The following SPATA31C2 variants were observed in gnomAD, a reference collection of about 807,000 sequenced individuals.
SPATA31C2 encodes the protein spermatogenesis-associated protein 31C2.
In SPATA31C2, 5 loss-of-function variants were observed where a neutral mutation model predicts 11.4. The ratio of observed to expected loss-of-function variants is 0.44; its 90% CI spans 0.23 to 0.92. SPATA31C2 has a LOEUF of 0.92. Among genes scored for constraint, SPATA31C2 ranks in the 40% least tolerant of loss-of-function variants. SPATA31C2 has a pLI of 0.24. For missense variants in SPATA31C2, 1,353 were observed against 1,368.6 expected, an observed-to-expected ratio of 0.99 and a Z score of 0.18; for synonymous variants, 515 against 538.7, an observed-to-expected ratio of 0.96 and a Z score of 0.61.
Position 88,131,050 on chromosome 9 carries a change from G to A in SPATA31C2, c.1987C>T (p.Leu663Phe), listed in dbSNP as rs766116336. Residue 663 changes from leucine (L) to phenylalanine (F), a missense_variant, in exon 4 of 4, where the codon CTC becomes TTC. Physicochemically the swap from Leu to Phe is conservative, Grantham distance 22. Around this residue, in one of 6 missense-constraint regions of SPATA31C2, gnomAD observed 1,075 missense variants for 992.8 expected, o/e 1.08. Coordinates refer to ENST00000324915, the MANE Select transcript of SPATA31C2 (RefSeq NM_001350978.3). Reference protein sequence around the residue: ...FWAKHRWGLPLRVLKPIQCFQ... With the variant: ...FWAKHRWGLPFRVLKPIQCFQ... The stretch of plus-strand genomic sequence containing the variant: ...CACTGAATGGGCTTGAGGACCCTGA[G>A]GGGTAGACCCCACCTGTGTTTGGCC... The A allele has an allele frequency of 2.9e-5, 46 of 1,611,926 alleles. No individual in the cohort carries two copies. Among genetic ancestry groups the A allele is most frequent in the Non-Finnish European group, 3.7e-5 (44 of 1,179,874 alleles).
Position 88,129,947 on chromosome 9 carries a change from T to C in SPATA31C2, c.3090A>G (p.Pro1030=), listed in dbSNP as rs764599456. 2.5e-6 allele frequency: 4 copies of C among 1,607,914 alleles called. No homozygotes were observed. The Admixed American group carries it at 6.7e-5, about 27-fold the overall frequency. ...CTGTTTTTTGGCTCTCAGCAGTGAC[T>C]GGTGCTGGCTTCCTTTCTTTCTTTG... ...IFSKKERKPA[P]VTAESQKTVK... The change falls in exon 4 of 4, where the codon CCA becomes CCG. Residue 1030 remains proline, a synonymous_variant. Coordinates refer to ENST00000324915, the MANE Select transcript of SPATA31C2 (RefSeq NM_001350978.3).
At chr9:88,134,792 G>A (rs767330385) in intron 1 of SPATA31C2, 2 of 1,590,878 alleles carry the variant, frequency 1.3e-6, no homozygotes, top group South Asian at 2.2e-5. Flanking sequence ...GCGATGGTGA[G>A]GGTGGGTTGT....
rs750700794 is a variant in SPATA31C2 at position 88,131,095 on chromosome 9, C to T, written c.1942G>A (p.Ala648Thr). The T allele has an allele frequency of 8.7e-6, 14 of 1,611,920 alleles. No individual in the cohort carries two copies. Among genetic ancestry groups the T allele is most frequent in the Admixed American group, 1.7e-5 (1 of 59,996 alleles). Residue 648 changes from alanine (A) to threonine (T), a missense_variant, in exon 4 of 4, where the codon GCC becomes ACC. This residue lies in a region of SPATA31C2 where 1,075 missense variants were observed against 992.8 expected (regional missense o/e 1.08). Coordinates refer to ENST00000324915, the MANE Select transcript of SPATA31C2 (RefSeq NM_001350978.3). ...LEPCTQQVLG[A>T]HIVRFWAKHR... ...TTGGCCCAAAACCTCACAATATGGG[C>T]TCCCAGCACCTGCTGAGTACACGGC...
In SPATA31C2 at chr9:88,131,200, G is replaced by A; in HGVS notation, c.1837C>T (p.His613Tyr). ...VNQAFPVSNT[H>Y]VKTSNLAAPK... ...GCTGCTAGATTGCTGGTTTTCACGTGGGTGTTGGAGACGGGAAAAGCCTGG... is the reference window on the plus strand; with the variant it reads ...GCTGCTAGATTGCTGGTTTTCACGTAGGTGTTGGAGACGGGAAAAGCCTGG... The change falls in exon 4 of 4, where the codon CAC becomes TAC. Residue 613 changes from histidine to tyrosine, a missense_variant. This residue lies in a region of SPATA31C2 where 1,075 missense variants were observed against 992.8 expected (regional missense o/e 1.08). Transcript: ENST00000324915. 1.2e-6 allele frequency: 2 copies of A among 1,611,828 alleles called. No homozygotes were observed. Among genetic ancestry groups the A allele is most frequent in the Non-Finnish European group, 1.7e-6 (2 of 1,179,874 alleles).
At chr9:88,133,854 A>AG (rs1232832123) in intron 1 of SPATA31C2, among the ~76,000 whole-genome samples, 185 bp from the exon 2 acceptor site, 3 of 152,176 alleles carry the variant, frequency 2.0e-5, no homozygotes, top group African/African-American at 4.8e-5. Context: ...AAAAACAGGA[A>AG]GAGGGGGTCG....
Position 88,136,596 on chromosome 9 carries a change from C to T in SPATA31C2, c.189+1662G>A, listed in dbSNP as rs1298420174. On this transcript the variant is annotated intron_variant, in intron 1 of 3. Transcript: ENST00000324915. ...TAGAATTGATTGTGCTTTTCTGGTT[C>T]ATGTCTAATAATTATTCATCAAGTC... Among the ~76,000 whole-genome samples the T allele has an allele frequency of 1.4e-5, 2 of 145,466 alleles. 1 individual carries two copies. Among genetic ancestry groups the T allele is most frequent in the Non-Finnish European group, 3.0e-5 (2 of 66,162 alleles).
chr9:88,130,378 CA>C lies in SPATA31C2; in HGVS notation c.2658del (p.Val887LeufsTer78). On this transcript the variant is annotated frameshift_variant, in exon 4 of 4. Coordinates refer to ENST00000324915, the MANE Select transcript of SPATA31C2 (RefSeq NM_001350978.3). LOFTEE classifies it low-confidence loss of function (END_TRUNC). ...TVVLLPDGQA[S>X]VVPHASENLA... ...AAATTCTCTGAAGCATGGGGCACAACAGATGCTTGCCCATCTGGAAGGAGCA... is the reference window on the plus strand; with the variant it reads ...AAATTCTCTGAAGCATGGGGCACAACGATGCTTGCCCATCTGGAAGGAGCA... The C allele has an allele frequency of 4.3e-6, 7 of 1,611,090 alleles. No homozygotes were observed. The highest frequency in any genetic ancestry group is 1.3e-5 in the African/African-American group (1 of 74,950).
chr9:88,136,649 T>C, intron 1 of SPATA31C2, among the ~76,000 whole-genome samples: 1 of 147,070 alleles, frequency 6.8e-6, no homozygotes, highest in Non-Finnish European at 1.5e-5. Context: ...TCTCATTAAA[T>C]TTCATATTTT....
intron 2 of SPATA31C2, among the ~76,000 whole-genome samples, chr9:88,133,368 G>A (rs1176345296): frequency 1.3e-5 from 1 of 74,910 alleles, no homozygotes; most frequent in Admixed American, 1.4e-4. Context: ...ATCCAGGCAG[G>A]CATTGGTCTC....
At position 88,130,387 on chromosome 9, in the gene SPATA31C2, G is replaced by T. The variant is rs763696528; in HGVS notation, c.2650C>A (p.Gln884Lys). Residue 884 changes from glutamine to lysine, a missense_variant, in exon 4 of 4, where the codon CAA becomes AAA. Gln to Lys is a moderately conservative substitution (Grantham distance 53, BLOSUM62 1). Coordinates refer to ENST00000324915, the MANE Select transcript of SPATA31C2 (RefSeq NM_001350978.3). ...GAAGCATGGGGCACAACAGATGCTT[G>T]CCCATCTGGAAGGAGCACAACAGTG... The part of the protein sequence containing the change: ...SATVVLLPDG[Q>K]ASVVPHASEN... The T allele has an allele frequency of 6.2e-7, 1 of 1,611,380 alleles. No individual in the cohort carries two copies. The highest frequency in any genetic ancestry group is 1.1e-5 in the South Asian group (1 of 90,968).
chr9:88,134,447 G>T (rs1190829953), intron 1 of SPATA31C2, among the ~76,000 whole-genome samples: 1 of 150,956 alleles, frequency 6.6e-6, no homozygotes, highest in Admixed American at 6.7e-5. Flanking sequence ...CCTGGCCTCG[G>T]ACAGAGACCT....
chr9:88,133,747 C>A (rs991446340), intron 1 of SPATA31C2, 78 bp from the exon 2 acceptor site: 370 of 1,580,478 alleles, frequency 2.3e-4, no homozygotes, highest in Non-Finnish European at 4.7e-5. Flanking sequence ...ACGCTGCACT[C>A]ATGAACCGCA....
rs1214316860 is a variant in SPATA31C2, at chr9:88,132,359, A to G, written c.678T>C (p.Pro226=). Residue 226 remains proline, a synonymous_variant, in exon 4 of 4, where the codon CCT becomes CCC. Transcript: ENST00000324915. ...TPDPLACSPP[P]PKGFTPPPLR... ...GGGGAGGAGGAGTGAAGCCTTTCGG[A>G]GGAGGCGGAGAGCAGGCCAGAGGAT... 1 of 1,610,980 alleles carries G rather than the reference A, an allele frequency of 6.2e-7. No homozygotes were observed. The highest frequency in any genetic ancestry group is 1.1e-5 in the South Asian group (1 of 91,014).
chr9:88,134,104 G>A (rs549524633), intron 1 of SPATA31C2, among the ~76,000 whole-genome samples: 5 of 149,110 alleles, frequency 3.4e-5, no homozygotes, highest in South Asian at 4.4e-4. Flanking sequence ...GCACTGAGCC[G>A]GTATCGCTCC....
rs61693744 is a variant in SPATA31C2, at chr9:88,137,326, TA to T, written c.189+931del. On this transcript the variant is annotated intron_variant, in intron 1 of 3. Coordinates refer to ENST00000324915, the MANE Select transcript of SPATA31C2 (RefSeq NM_001350978.3). ...CCTCAATCTAACCTCATGTCTTTAT[TA>T]AAAAAAAAAAGGATCAGCCGGGCGC... is the stretch of plus-strand genomic sequence containing the variant. Among the ~76,000 whole-genome samples, 297 of 142,166 alleles carry T rather than the reference TA, an allele frequency of 2.1e-3. 4 individuals are homozygous for T. Among genetic ancestry groups the T allele is most frequent in the Non-Finnish European group, 3.4e-3 (224 of 65,196 alleles). 93.3% of individuals were successfully genotyped at this position (142,166 alleles called of 152,430 possible).
chr9:88,137,287 A>G (rs537213417), intron 1 of SPATA31C2, among the ~76,000 whole-genome samples: 1 of 148,500 alleles, frequency 6.7e-6, no homozygotes, highest in African/African-American at 2.5e-5. Flanking sequence ...TAGATACCAT[A>G]GACAAAACAA....
At position 88,132,090 on chromosome 9, in the gene SPATA31C2, AT is replaced by A. The variant is rs1825607504; in HGVS notation, c.946del (p.Met316CysfsTer57). The A allele has an allele frequency of 6.2e-7, 1 of 1,610,616 alleles. No homozygotes were observed. The highest frequency in any genetic ancestry group is 8.5e-7 in the Non-Finnish European group (1 of 1,177,658). On this transcript the variant is annotated frameshift_variant, in exon 4 of 4. Coordinates refer to ENST00000324915, the MANE Select transcript of SPATA31C2 (RefSeq NM_001350978.3). LOFTEE classifies it low-confidence loss of function (END_TRUNC). ...DHLSRQRDTT[M>X]SPLLFQAQPL... ...CTGGGCCTGGAAAAGCAGTGGGGAC[AT>A]TGTAGTGTCCCTTTGGCGGGAAAGA...
Position 88,133,601 on chromosome 9 carries a change from AC to A in SPATA31C2, c.257del (p.Ser86IlefsTer2), listed in dbSNP as rs1442431962. On this transcript the variant is annotated frameshift_variant, in exon 2 of 4. Transcript: ENST00000324915. LOFTEE classifies it high-confidence loss of function. Reference protein sequence around the residue: ...GRPRGRMKNHSLRACRECPRG... With the variant: ...GRPRGRMKNHXLRACRECPRG... Reference sequence around the variant, plus strand: ...GCCCTGGCAGAGCCTTACCTCTCAGACTGTGGTTTTTCATCCTGCCTCTGGG... The same window carrying A: ...GCCCTGGCAGAGCCTTACCTCTCAGATGTGGTTTTTCATCCTGCCTCTGGG... 1 of 1,580,008 alleles carries A rather than the reference AC, an allele frequency of 6.3e-7. No individual in the cohort carries two copies. Among genetic ancestry groups the A allele is most frequent in the African/African-American group, 1.4e-5 (1 of 70,010 alleles).
At position 88,131,656 on chromosome 9, in the gene SPATA31C2, C is replaced by G; in HGVS notation, c.1381G>C (p.Gly461Arg). 6.2e-7 allele frequency: 1 copy of G among 1,612,022 alleles called. No homozygotes were observed. The highest frequency in any genetic ancestry group is 1.1e-5 in the South Asian group (1 of 90,990). Residue 461 changes from glycine (G) to arginine (R), a missense_variant, in exon 4 of 4, where the codon GGA becomes CGA. Gly to Arg is a moderately radical substitution (Grantham distance 125). This residue lies in a region of SPATA31C2 where 1,075 missense variants were observed against 992.8 expected (regional missense o/e 1.08). Coordinates refer to ENST00000324915, the MANE Select transcript of SPATA31C2 (RefSeq NM_001350978.3). ...AGATCCAGAGACTCTTGGATCCTTC[C>G]ACGTTGCCCCATGTGTTGCTCCAGT... Reference protein sequence around the residue: ...RQLEQHMGQRGRIQESLDLMQ... With the variant: ...RQLEQHMGQRRRIQESLDLMQ...
Sources: allele counts gnomAD v4.1 joint callset (sites outside exome capture counted in the v4.1 genomes callset), GRCh38; gene constraint gnomAD v4.1.1; regional missense constraint gnomAD v4.1.1; transcripts MANE v1.5; gene names NCBI Gene and HGNC (gene_info 2026-07-23, HGNC 2026-07-21).